The following NPC1L1 variants were observed in gnomAD, a reference collection of about 807,000 sequenced individuals.
NPC1L1 encodes the protein NPC1 like intracellular cholesterol transporter 1.
NPC1L1 carries 98 observed loss-of-function variants against 117.0 expected under a neutral mutation model. The ratio of observed to expected loss-of-function variants is 0.84; its 90% CI spans 0.71 to 0.99. NPC1L1 has a LOEUF of 0.99. Ranked by LOEUF, NPC1L1 falls within the 50% of genes least tolerant of loss-of-function variation. NPC1L1 has a pLI of 0.00. For missense variants in NPC1L1, 1,540 were observed against 1,710.0 expected, an observed-to-expected ratio of 0.90 and a Z score of 1.75; for synonymous variants, 729 against 727.6, an observed-to-expected ratio of 1.00 and a Z score of -0.03.
At chr7:44,535,552 G>A (rs1287708780) in intron 5 of NPC1L1, among the ~76,000 whole-genome samples, 4 of 150,894 alleles carry the variant, frequency 2.7e-5, no homozygotes, top group African/African-American at 9.8e-5. Flanking sequence ...GAGAGAAAAA[G>A]AGAAACAGAG....
chr7:44,522,378 AAC>A (rs1327676312), intron 10 of NPC1L1, 136 bp from the exon 11 acceptor site: 18 of 840,216 alleles, frequency 2.1e-5, no homozygotes, highest in Non-Finnish European at 2.9e-5. Context: ...TGATCAGAGG[AAC>A]ACACAGAGGA....
At position 44,539,932 on chromosome 7, in the gene NPC1L1, G is replaced by C. The variant is rs1342742225; in HGVS notation, c.465C>G (p.Ala155=). The change falls in exon 2 of 19, where the codon GCC becomes GCG. Residue 155 remains alanine (A), a synonymous_variant. Coordinates refer to ENST00000381160, the MANE Select transcript of NPC1L1 (RefSeq NM_001101648.2). This position sits in a 1 kb window ranked among gnomAD's most constrained non-coding sequence, Gnocchi z 4.4. ...LGAGQLPAVV[A]YEAFYQHSFA... ...AGCTATGCTGGTAGAAGGCCTCATA[G>C]GCCACCACAGCTGGGAGTTGTCCAG... 6.2e-7 allele frequency: 1 copy of C among 1,614,208 alleles called. No individual in the cohort carries two copies. Among genetic ancestry groups the C allele is most frequent in the East Asian group, 2.2e-5 (1 of 44,882 alleles).
In NPC1L1 at chr7:44,513,315, G is replaced by T; in HGVS notation, c.*132C>A. ...TACCTCAAGAGCAGGCCATCCTCCA[G>T]TGACAGGCAGTCTCATGGGAATGGC... On this transcript the variant is annotated 3_prime_UTR_variant, in exon 19 of 19. Transcript: ENST00000381160. 1.2e-6 allele frequency: 1 copy of T among 853,002 alleles called. No individual in the cohort carries two copies. Among genetic ancestry groups the T allele is most frequent in the Non-Finnish European group, 1.9e-6 (1 of 514,672 alleles). The allele number at this position is 853,002 out of a possible 1,614,324, so 52.8% of individuals were successfully genotyped here.
chr7:44,520,611 G>A (rs527924891), intron 14 of NPC1L1, among the ~76,000 whole-genome samples, 154 bp downstream of exon 14: 1 of 152,300 alleles, frequency 6.6e-6, no homozygotes, highest in East Asian at 1.9e-4. Flanking sequence ...GAGATGTGGA[G>A]CTGGGAAACA....
chr7:44,526,546 C>CAAAAAAAAAAAAAAAAAAAAAA (rs372498105), intron 10 of NPC1L1, among the ~76,000 whole-genome samples: 5 of 68,350 alleles, frequency 7.3e-5, no homozygotes, highest in African/African-American at 3.5e-4. Context: ...GACTCCATCT[C>CAAAAAAAAAAAAAAAAAAAAAA]AAAAAAAAAA....
At position 44,539,364 on chromosome 7, in the gene NPC1L1, C is replaced by T. The variant is rs1293247400; in HGVS notation, c.1033G>A (p.Gly345Ser). 6.2e-7 allele frequency: 1 copy of T among 1,613,598 alleles called. No homozygotes were observed. Among genetic ancestry groups the T allele is most frequent in the Non-Finnish European group, 8.5e-7 (1 of 1,179,620 alleles). Residue 345 changes from glycine to serine, a missense_variant, in exon 2 of 19, where the codon GGC becomes AGC. Around this residue, in one of 3 missense-constraint regions of NPC1L1, gnomAD observed 793 missense variants for 820.4 expected, o/e 0.97. Transcript: ENST00000381160. The surrounding 1 kb of genome is among the most constrained non-coding windows in gnomAD (Gnocchi z 4.4). ...TLLGQFFQGW[G>S]TWVASWPLTI... Reference sequence around the variant, plus strand: ...AGAGGCCACGAAGCCACCCACGTGCCCCAGCCCTGGAAGAACTGGCCAAGG... The same window carrying T: ...AGAGGCCACGAAGCCACCCACGTGCTCCAGCCCTGGAAGAACTGGCCAAGG...
chr7:44,535,411 C>T (rs1384010928), intron 5 of NPC1L1, among the ~76,000 whole-genome samples: 2 of 151,530 alleles, frequency 1.3e-5, no homozygotes, highest in Non-Finnish European at 2.9e-5. Context: ...TGCCTATAGT[C>T]CCAACTACTT....
Position 44,521,869 on chromosome 7 carries a change from C to A in NPC1L1, c.2829-33G>T, listed in dbSNP as rs747295903. ...GCAGGTGGGAGGAAGGGTGAAAAGG[C>A]CAGCTGGGCAGGGTGGTGGGTCCTT... On this transcript the variant is annotated intron_variant, in intron 11 of 18. Coordinates refer to ENST00000381160, the MANE Select transcript of NPC1L1 (RefSeq NM_001101648.2). 6 of 1,613,322 alleles carry A rather than the reference C, an allele frequency of 3.7e-6. No homozygotes were observed. The East Asian group carries it at 1.3e-4, about 36-fold the overall frequency.
Position 44,539,852 on chromosome 7 carries a change from G to C in NPC1L1, c.545C>G (p.Thr182Arg). The stretch of plus-strand genomic sequence containing the variant: ...GCCACACATGGTGCCCACAGCCAGC[G>C]TGGCAGCTGCAGGGACGCGCACACG... ...CSRVRVPAAA[T>R]LAVGTMCGVY... Residue 182 changes from threonine to arginine, a missense_variant, in exon 2 of 19, where the codon ACG (threonine) becomes AGG (arginine). Transcript: ENST00000381160. This position sits in a 1 kb window ranked among gnomAD's most constrained non-coding sequence, Gnocchi z 4.4. The C allele has an allele frequency of 1.9e-6, 3 of 1,614,126 alleles. No individual in the cohort carries two copies. The highest frequency in any genetic ancestry group is 2.5e-6 in the Non-Finnish European group (3 of 1,180,042).
In NPC1L1 at chr7:44,516,937, G is replaced by A. The variant is rs1217416485; in HGVS notation, c.3288-3C>T. 1.2e-6 allele frequency: 2 copies of A among 1,611,426 alleles called. No individual in the cohort carries two copies. Among genetic ancestry groups the A allele is most frequent in the South Asian group, 1.1e-5 (1 of 90,716 alleles). ...GCTCATAAAACACATTGGTGATCCT[G>A]CCAGAGCACAGAGCATGGTCACAGG... On this transcript the variant is annotated splice_polypyrimidine_tract_variant and splice_region_variant and intron_variant, in intron 15 of 18. Coordinates refer to ENST00000381160, the MANE Select transcript of NPC1L1 (RefSeq NM_001101648.2).
rs772584361 is a variant in NPC1L1, at chr7:44,532,237, C to G, written c.2410-20G>C. On this transcript the variant is annotated intron_variant, in intron 8 of 18. Transcript: ENST00000381160. The stretch of plus-strand genomic sequence containing the variant: ...GGAGGCCTGGAGTGGGAGGCACCCC[C>G]TCAAGGTAGTCCCAGAGCAGACAAG... 8 of 1,612,882 alleles carry G rather than the reference C, an allele frequency of 5.0e-6. No homozygotes were observed. The South Asian group carries it at 8.8e-5, about 18-fold the overall frequency.
chr7:44,515,255 G>A (rs1368850333), intron 18 of NPC1L1, among the ~76,000 whole-genome samples: 1 of 151,694 alleles, frequency 6.6e-6, no homozygotes, highest in Admixed American at 6.6e-5. Flanking sequence ...TCGGGAGGCT[G>A]AGGTGGGAGG....
Position 44,541,267 on chromosome 7 carries a change from C to G in NPC1L1, c.-8G>C. The G allele has an allele frequency of 1.3e-6, 2 of 1,549,780 alleles. No homozygotes were observed. The highest frequency in any genetic ancestry group is 1.7e-6 in the Non-Finnish European group (2 of 1,146,732). On this transcript the variant is annotated 5_prime_UTR_variant, in exon 1 of 19. Transcript: ENST00000381160. ...CAGGCCGGCCTCCGCCATCCCAGGT[C>G]TGGGAAGGGGTCAGCGGGGAGCCAG...
rs1372843252 is a variant in NPC1L1, at chr7:44,522,100, T to A, written c.2780A>T (p.Asn927Ile). 4 of 1,613,674 alleles carry A rather than the reference T, an allele frequency of 2.5e-6. No individual in the cohort carries two copies. The South Asian group carries it at 4.4e-5, about 18-fold the overall frequency. ...NAICSSAGCN[N>I]FSFTQKIQYA... ...CTGGATCTTCTGGGTGAAGGAGAAG[T>A]TGTTGCAGCCTGCACTGGAGCAGAT... The change falls in exon 11 of 19, where the codon AAC becomes ATC. Residue 927 changes from asparagine to isoleucine, a missense_variant. By Grantham distance (149) the Asn-to-Ile change is moderately radical (BLOSUM62 -3). Coordinates refer to ENST00000381160, the MANE Select transcript of NPC1L1 (RefSeq NM_001101648.2).
intron 10 of NPC1L1, among the ~76,000 whole-genome samples, chr7:44,529,350 G>C (rs949116608): frequency 6.6e-6 from 1 of 151,828 alleles, no homozygotes; most frequent in South Asian, 2.1e-4. Flanking sequence ...AAGAGAATAG[G>C]GGTAGCTATA....
chr7:44,515,482 A>G (rs217430), intron 18 of NPC1L1, among the ~76,000 whole-genome samples: 30,869 of 152,178 alleles, frequency 0.2, 3,425 homozygotes, highest in Non-Finnish European at 0.25. Context: ...GTGCCCGTGC[A>G]TGTCACCTCT....
intron 11 of NPC1L1, 36 bp downstream of exon 11, chr7:44,522,016 G>A: frequency 1.9e-6 from 3 of 1,609,676 alleles, no homozygotes; most frequent in Non-Finnish European, 2.5e-6. Context: ...CTCAAACAGG[G>A]AGTAGGCTGG....
In NPC1L1 at chr7:44,527,575, G is replaced by A. The variant is rs1402505065; in HGVS notation, c.2637+4180C>T. 2.0e-5 allele frequency among the ~76,000 whole-genome samples: 3 copies of A among 151,838 alleles called. No homozygotes were observed. In the East Asian group the frequency reaches 5.9e-4, roughly 30 times the overall value. On this transcript the variant is annotated intron_variant, in intron 10 of 18. Transcript: ENST00000381160. ...TACACCTGTAATCCCAGTACTTCAGGTGGCTGAGGTGAGAGGATCTTTTGA... is the reference window on the plus strand; with the variant it reads ...TACACCTGTAATCCCAGTACTTCAGATGGCTGAGGTGAGAGGATCTTTTGA...
chr7:44,521,091 A>T lies in NPC1L1; in HGVS notation c.2981T>A (p.Met994Lys), dbSNP rs1801339845. ...VNSLNCLKNC[M>K]SITMGSVRPS... ...CCTCACAGAGCCCATCGTGATGCTCATGCAGTTCTTTAGGCAGTTCAGAGA... is the reference window on the plus strand; with the variant it reads ...CCTCACAGAGCCCATCGTGATGCTCTTGCAGTTCTTTAGGCAGTTCAGAGA... Residue 994 changes from methionine (M) to lysine (K), a missense_variant, in exon 13 of 19, where the codon ATG (methionine) becomes AAG (lysine). Around this residue, in one of 3 missense-constraint regions of NPC1L1, gnomAD observed 742 missense variants for 873.6 expected, o/e 0.85. Transcript: ENST00000381160. 6.8e-6 allele frequency: 11 copies of T among 1,614,046 alleles called. No individual in the cohort carries two copies. The highest frequency in any genetic ancestry group is 1.3e-5 in the African/African-American group (1 of 74,922).
Sources: allele counts gnomAD v4.1 joint callset (sites outside exome capture counted in the v4.1 genomes callset), GRCh38; gene constraint gnomAD v4.1.1; regional missense constraint gnomAD v4.1.1; non-coding constraint Gnocchi (gnomAD v3.1); transcripts MANE v1.5; gene names NCBI Gene and HGNC (gene_info 2026-07-23, HGNC 2026-07-21).